The following NCOA2 variants were observed in gnomAD, a reference collection of about 807,000 sequenced individuals.
The protein encoded by NCOA2 is class E basic helix-loop-helix protein 75.
A neutral mutation model predicts 145.1 loss-of-function variants in NCOA2; 21 were observed. The observed-to-expected ratio is 0.14, with a 90% CI of 0.10 to 0.21. The LOEUF is 0.21. Among genes scored for constraint, NCOA2 ranks in the 10% least tolerant of loss-of-function variants. The pLI is 1.00. For synonymous variants in NCOA2, 619 were observed against 637.5 expected, an observed-to-expected ratio of 0.97 and a Z score of 0.44; for missense variants, 1,472 against 1,837.6, an observed-to-expected ratio of 0.80 and a Z score of 3.64.
intron 1 of NCOA2, among the ~76,000 whole-genome samples, chr8:70,385,431 TTTTA>T (rs926324703): frequency 6.6e-6 from 1 of 152,138 alleles, no homozygotes; most frequent in Non-Finnish European, 1.5e-5. Context: ...GAAACTCCAA[TTTTA>T]TTTTATTTTT....
chr8:70,117,397 A>G (rs4546698), intron 22 of NCOA2, among the ~76,000 whole-genome samples: 36,856 of 152,226 alleles, frequency 0.24, 5,588 homozygotes, highest in East Asian at 0.57. Context: ...AGGCCAAAAG[A>G]TTCATTCCCT....
the NCOA2 span, among the ~76,000 whole-genome samples, chr8:70,452,321 C>T: frequency 1.3e-5 from 2 of 152,078 alleles, no homozygotes; most frequent in South Asian, 4.1e-4. Context: ...TAAAAAGTGG[C>T]CAATGAGCAT....
chr8:70,147,111 C>A (rs998843658), intron 12 of NCOA2, among the ~76,000 whole-genome samples: 8 of 95,540 alleles, frequency 8.4e-5, no homozygotes, highest in Middle Eastern at 4.4e-3. Context: ...GCAAATCTTT[C>A]GCGCGCGCGC....
In NCOA2 at chr8:70,109,975, T is replaced by C. The variant is rs1448641278; in HGVS notation, c.*3657A>G. On this transcript the variant is annotated 3_prime_UTR_variant, in exon 23 of 23. Transcript: ENST00000452400. ...CTCACACTAGAAATACAAACATCAA[T>C]GCAGGTGAACAAAGTGATGTTCAGA... 1 of 192,540 alleles carries C rather than the reference T, an allele frequency of 5.2e-6. No homozygotes were observed. 11.9% of individuals were successfully genotyped at this position (192,540 alleles called of 1,614,324 possible).
At chr8:70,352,938 C>A (rs1809370959) in intron 1 of NCOA2, among the ~76,000 whole-genome samples, 1 of 152,092 alleles carries the variant, frequency 6.6e-6, no homozygotes, top group Non-Finnish European at 1.5e-5. Flanking sequence ...GCTTATTTTG[C>A]TACTACCTTA....
In NCOA2 at chr8:70,344,075, G is replaced by A. The variant is rs529341874; in HGVS notation, c.-76-47275C>T. Among the ~76,000 whole-genome samples, 16 of 152,248 alleles carry A rather than the reference G, an allele frequency of 1.1e-4. No individual in the cohort carries two copies. The South Asian group carries it at 2.7e-3, about 26-fold the overall frequency. ...CCAGCAACAAAAGCCTTTTAAACCC[G>A]TGTATTCTAACTGTATAGCACTACA... On this transcript the variant is annotated intron_variant, in intron 1 of 22. Transcript: ENST00000452400.
intron 4 of NCOA2, among the ~76,000 whole-genome samples, chr8:70,195,163 AC>A (rs559061570): frequency 3.9e-5 from 6 of 152,224 alleles, no homozygotes; most frequent in Non-Finnish European, 8.8e-5. Flanking sequence ...TTCTCATTTC[AC>A]TGTAGTAGCT....
intron 11 of NCOA2, among the ~76,000 whole-genome samples, chr8:70,151,646 T>C (rs71523172): frequency 0.068 from 10,292 of 152,220 alleles, 488 homozygotes; most frequent in Non-Finnish European, 0.11. Context: ...AAGGAACTAG[T>C]TCTATGAAGG....
At chr8:70,398,551 CA>C (rs1813910959) in intron 1 of NCOA2, among the ~76,000 whole-genome samples, 1 of 152,210 alleles carries the variant, frequency 6.6e-6, no homozygotes, top group Non-Finnish European at 1.5e-5. Flanking sequence ...TGGCTGCCTA[CA>C]AAGCATAAAT....
At chr8:70,209,382 T>C (rs1022350834) in intron 4 of NCOA2, among the ~76,000 whole-genome samples, 1 of 152,226 alleles carries the variant, frequency 6.6e-6, no homozygotes, top group Non-Finnish European at 1.5e-5. Flanking sequence ...GGATTTAGAA[T>C]ATTCCATAAA....
chr8:70,264,649 A>G (rs1466032833), intron 2 of NCOA2, among the ~76,000 whole-genome samples: 4 of 152,272 alleles, frequency 2.6e-5, no homozygotes, highest in African/African-American at 9.6e-5. Flanking sequence ...AATACTCTAA[A>G]GAAACTGTCA....
Position 70,150,485 on chromosome 8 carries a change from C to G in NCOA2, c.2395-2002G>C, listed in dbSNP as rs139454741. Reference sequence around the variant, plus strand: ...TAGGTACATGTTCACACTATTAGAGCCACAAGGGAACCAAAACCCAGCAAA... The same window carrying G: ...TAGGTACATGTTCACACTATTAGAGGCACAAGGGAACCAAAACCCAGCAAA... On this transcript the variant is annotated intron_variant, in intron 11 of 22. Transcript: ENST00000452400. 4.1e-3 allele frequency among the ~76,000 whole-genome samples: 626 copies of G among 152,278 alleles called. 4 individuals carry two copies. The highest frequency in any genetic ancestry group is 0.014 in the African/African-American group (591 of 41,532).
At position 70,148,423 on chromosome 8, in the gene NCOA2, G is replaced by T; in HGVS notation, c.2455C>A (p.Pro819Thr). ...GGCCTCGTGTCTGGGAAAAGCTGTG[G>T]TAATTGACTATTCTGCAAATCATCC... ...ILDDLQNSQLPQLFPDTRPGA... is the reference protein window; with the variant it reads ...ILDDLQNSQLTQLFPDTRPGA... Residue 819 changes from proline (P) to threonine (T), a missense_variant, in exon 12 of 23, where the codon CCA becomes ACA. Physicochemically the swap from Pro to Thr is conservative, Grantham distance 38. Transcript: ENST00000452400. The T allele has an allele frequency of 6.2e-7, 1 of 1,613,864 alleles. No individual in the cohort carries two copies. The highest frequency in any genetic ancestry group is 2.2e-5 in the East Asian group (1 of 44,878).
chr8:70,341,948 A>G (rs1035855785), intron 1 of NCOA2, among the ~76,000 whole-genome samples: 8 of 152,220 alleles, frequency 5.3e-5, no homozygotes, highest in African/African-American at 1.9e-4. Context: ...CTTTTTATCT[A>G]AGACAACTTC....
chr8:70,169,892 T>TCATCAC (rs1218402559), intron 6 of NCOA2, among the ~76,000 whole-genome samples: 1 of 143,096 alleles, frequency 7.0e-6, no homozygotes, highest in African/African-American at 2.9e-5. Flanking sequence ...CCAAGCAAAA[T>TCATCAC]CATCATCATC....
Position 70,310,346 on chromosome 8 carries a change from CAA to C in NCOA2, c.-76-13548_-76-13547del, listed in dbSNP as rs34849703. Among the ~76,000 whole-genome samples, 297 of 72,420 alleles carry C rather than the reference CAA, an allele frequency of 4.1e-3. 1 individual carries two copies. Among genetic ancestry groups the C allele is most frequent in the African/African-American group, 0.012 (240 of 20,592 alleles). 47.5% of individuals were successfully genotyped at this position (72,420 alleles called of 152,430 possible). A position where few individuals can be genotyped will look rare whatever the true frequency, so the allele number is the denominator to read the frequency against. On this transcript the variant is annotated intron_variant, in intron 1 of 22. Coordinates refer to ENST00000452400, the MANE Select transcript of NCOA2 (RefSeq NM_006540.4). ...GTGACAGAGCAAGACTCTGTCTTCC[CAA>C]AAAAAAAAAAAAAAAAAAAATCTCA...
chr8:70,424,295 G>C, the NCOA2 span: 1 of 374,082 alleles, frequency 2.7e-6, no homozygotes, highest in Admixed American at 3.6e-5. Flanking sequence ...GCCAGGACCT[G>C]GCTATAGTTT....
chr8:70,426,735 T>C, the NCOA2 span, among the ~76,000 whole-genome samples: 1 of 152,184 alleles, frequency 6.6e-6, no homozygotes, highest in African/African-American at 2.4e-5. Flanking sequence ...AGAGCTGAAA[T>C]GAATCAATGA....
intron 1 of NCOA2, among the ~76,000 whole-genome samples, chr8:70,331,456 C>T (rs559643201): frequency 2.1e-4 from 32 of 152,208 alleles, no homozygotes; most frequent in African/African-American, 7.7e-4. Flanking sequence ...TATTAAATTA[C>T]AGATTTTTTC....
Sources: gnomAD v4.1 joint callset for allele counts (sites outside exome capture counted in the v4.1 genomes callset) on GRCh38, gnomAD v4.1.1 for gene constraint, MANE v1.5 for transcripts, NCBI Gene and HGNC (gene_info 2026-07-23, HGNC 2026-07-21) for gene names.